The following RNF150 variants were observed in gnomAD, a reference collection of about 807,000 sequenced individuals.
The protein encoded by RNF150 is ring finger protein 150.
RNF150 carries 24 observed loss-of-function variants against 39.3 expected under a neutral mutation model. The observed-to-expected ratio is 0.61, with a 90% CI of 0.44 to 0.86. RNF150 has a LOEUF of 0.86. Ranked by LOEUF, RNF150 falls within the 40% of genes least tolerant of loss-of-function variation. The pLI is 0.00. For synonymous variants in RNF150, 255 were observed against 227.3 expected, an observed-to-expected ratio of 1.12 and a Z score of -1.10; for missense variants, 502 against 587.8, an observed-to-expected ratio of 0.85 and a Z score of 1.51.
intron 1 of RNF150, among the ~76,000 whole-genome samples, chr4:141,003,920 TAGG>T (rs1194989114): frequency 6.6e-6 from 1 of 152,132 alleles, no homozygotes; most frequent in African/African-American, 2.4e-5. Flanking sequence ...GGCCTGCGGT[TAGG>T]AGAAGCCCAC....
At chr4:141,171,677 C>A (rs1560767523) in intron 1 of RNF150, among the ~76,000 whole-genome samples, 1 of 152,192 alleles carries the variant, frequency 6.6e-6, no homozygotes, top group Non-Finnish European at 1.5e-5. Context: ...ATCCATAGCC[C>A]AAATTATACA....
At chr4:140,979,818 C>A (rs1231894054) in intron 1 of RNF150, among the ~76,000 whole-genome samples, 1 of 152,016 alleles carries the variant, frequency 6.6e-6, no homozygotes, top group Non-Finnish European at 1.5e-5. Context: ...GGTCAATGAA[C>A]GGAAACTCGA....
intron 6 of RNF150, among the ~76,000 whole-genome samples, chr4:140,890,572 T>C (rs1578934846): frequency 2.0e-5 from 3 of 152,202 alleles, no homozygotes; most frequent in East Asian, 3.9e-4. Flanking sequence ...AGTGTTCTTA[T>C]AAGAAAAAGA....
chr4:141,135,161 G>A (rs1040690342), upstream of RNF150, among the ~76,000 whole-genome samples: 1 of 152,218 alleles, frequency 6.6e-6, no homozygotes, highest in African/African-American at 2.4e-5. Context: ...AAAGAGAGCT[G>A]TAAATAACCT....
chr4:140,921,347 C>A lies in RNF150; in HGVS notation c.987+4630G>T, dbSNP rs550875877. ...AGAGAATACTATAAACACCTCTACA[C>A]GAATAAACTAGAAAATCTAGAAGAA... is the stretch of plus-strand genomic sequence containing the variant. On this transcript the variant is annotated intron_variant, in intron 5 of 6. Transcript: ENST00000515673. Among the ~76,000 whole-genome samples the A allele has an allele frequency of 1.9e-3, 291 of 151,828 alleles. 1 individual carries two copies. The highest frequency in any genetic ancestry group is 3.0e-3 in the Non-Finnish European group (205 of 67,960).
At chr4:140,981,736 T>C (rs1733866077) in intron 1 of RNF150, among the ~76,000 whole-genome samples, 1 of 152,112 alleles carries the variant, frequency 6.6e-6, no homozygotes, top group Non-Finnish European at 1.5e-5. Flanking sequence ...GTTTAAAAGG[T>C]TATAGTGCAT....
chr4:141,037,917 G>A (rs1736205278), intron 1 of RNF150, among the ~76,000 whole-genome samples: 1 of 152,122 alleles, frequency 6.6e-6, no homozygotes, highest in African/African-American at 2.4e-5. Context: ...AGAGGAGTTT[G>A]CATTTTAAAA....
At chr4:141,118,495 T>C (rs186913693) in intron 1 of RNF150, among the ~76,000 whole-genome samples, 11 of 152,234 alleles carry the variant, frequency 7.2e-5, no homozygotes, top group African/African-American at 2.6e-4. Context: ...AAATGATGAA[T>C]GGAATTTGGG....
At chr4:140,882,478 T>A (rs1021573392) in intron 6 of RNF150, among the ~76,000 whole-genome samples, 3 of 152,218 alleles carry the variant, frequency 2.0e-5, no homozygotes, top group African/African-American at 7.2e-5. Flanking sequence ...ATTCTACTTA[T>A]GCCTATTGTT....
chr4:140,919,343 A>G (rs545458379), intron 5 of RNF150, among the ~76,000 whole-genome samples: 2 of 139,950 alleles, frequency 1.4e-5, no homozygotes, highest in Non-Finnish European at 1.5e-5. Context: ...CGAAGACTCA[A>G]GATACAAAAT....
chr4:140,902,358 CTAT>C (rs1379643819), intron 6 of RNF150, among the ~76,000 whole-genome samples: 1 of 152,138 alleles, frequency 6.6e-6, no homozygotes, highest in African/African-American at 2.4e-5. Flanking sequence ...TAAAATGAAC[CTAT>C]ATGCTAGTGT....
rs1384300190 is a variant in RNF150, at chr4:140,863,176, GT to G, written c.*5084del. 1 of 152,188 alleles carries G rather than the reference GT, an allele frequency of 6.6e-6. No individual in the cohort carries two copies. The highest frequency in any genetic ancestry group is 1.5e-5 in the Non-Finnish European group (1 of 68,046). The allele number at this position is 152,188 out of a possible 1,614,324, so 9.4% of individuals were successfully genotyped here. ...GCATTCCATCAGGTACAGTATACAA[GT>G]TTTTCCAAGAAATCCTAACCCTGGG... On this transcript the variant is annotated 3_prime_UTR_variant, in exon 7 of 7. Transcript: ENST00000515673.
At chr4:141,065,041 T>A (rs1382592907) in intron 1 of RNF150, among the ~76,000 whole-genome samples, 2 of 152,184 alleles carry the variant, frequency 1.3e-5, no homozygotes, top group African/African-American at 4.8e-5. Flanking sequence ...AATTTTGTAT[T>A]TTTAGTAGAG....
intron 1 of RNF150, among the ~76,000 whole-genome samples, chr4:141,170,015 T>A (rs1310242565): frequency 6.6e-6 from 1 of 152,124 alleles, no homozygotes; most frequent in Non-Finnish European, 1.5e-5. Context: ...AATCCCAACA[T>A]TAATATTTAT....
intron 6 of RNF150, among the ~76,000 whole-genome samples, chr4:140,885,462 G>C (rs1276706181): frequency 8.1e-6 from 1 of 123,062 alleles, no homozygotes; most frequent in African/African-American, 3.3e-5. Flanking sequence ...TTGAGACGGA[G>C]TTTTGCTCTT....
intron 1 of RNF150, among the ~76,000 whole-genome samples, chr4:141,188,955 G>A (rs942989557): frequency 6.6e-6 from 1 of 152,204 alleles, no homozygotes; most frequent in Non-Finnish European, 1.5e-5. Context: ...GAGGAAAAGA[G>A]GCATTCTGAT....
chr4:141,078,945 A>T (rs561374628), intron 1 of RNF150, among the ~76,000 whole-genome samples: 1 of 151,138 alleles, frequency 6.6e-6, no homozygotes, highest in Non-Finnish European at 1.5e-5. Context: ...ACACACACAT[A>T]TATATACACA....
At chr4:140,990,443 G>C (rs1734155553) in intron 1 of RNF150, among the ~76,000 whole-genome samples, 1 of 152,058 alleles carries the variant, frequency 6.6e-6, no homozygotes, top group Non-Finnish European at 1.5e-5. Context: ...CCATCACCTA[G>C]GTATTAAGCC....
At chr4:141,038,868 A>G (rs1219307421) in intron 1 of RNF150, among the ~76,000 whole-genome samples, 1 of 152,136 alleles carries the variant, frequency 6.6e-6, no homozygotes, top group Non-Finnish European at 1.5e-5. Flanking sequence ...CTAATGCCAG[A>G]AGAGGAAGAA....
Sources: allele counts gnomAD v4.1 joint callset (sites outside exome capture counted in the v4.1 genomes callset), GRCh38; gene constraint gnomAD v4.1.1; transcripts MANE v1.5; gene names NCBI Gene and HGNC (gene_info 2026-07-23, HGNC 2026-07-21).